Variants in BMERB1 observed in about 807,000 individuals in gnomAD.
BMERB1 encodes the protein bMERB domain containing 1.
A neutral mutation model predicts 23.6 loss-of-function variants in BMERB1; 12 were observed. That is an observed-to-expected ratio of 0.51 (90% confidence interval 0.33 to 0.82). The LOEUF is 0.82. Ranked by LOEUF, BMERB1 falls within the 40% of genes least tolerant of loss-of-function variation. The pLI is 0.03. For missense variants in BMERB1, 247 were observed against 255.4 expected, an observed-to-expected ratio of 0.97 and a Z score of 0.22; for synonymous variants, 122 against 96.6, an observed-to-expected ratio of 1.26 and a Z score of -1.54.
At chr16:15,512,252 A>G (rs937345458) in intron 1 of BMERB1, among the ~76,000 whole-genome samples, 2 of 152,134 alleles carry the variant, frequency 1.3e-5, no homozygotes, top group African/African-American at 4.8e-5. Flanking sequence ...CTGCTGAACA[A>G]CTCAGGGCCG....
At chr16:15,445,382 A>G (rs1351096878) in intron 1 of BMERB1, among the ~76,000 whole-genome samples, 1 of 152,206 alleles carries the variant, frequency 6.6e-6, no homozygotes, top group Non-Finnish European at 1.5e-5. Context: ...CAGGTACATA[A>G]AAAGGTAAAC....
chr16:15,510,168 C>T (rs2051645776), intron 1 of BMERB1, among the ~76,000 whole-genome samples: 1 of 152,160 alleles, frequency 6.6e-6, no homozygotes, highest in South Asian at 2.1e-4. Context: ...GCTTCCCGAA[C>T]TCCAAGAGAT....
intron 2 of BMERB1, among the ~76,000 whole-genome samples, chr16:15,538,058 T>G (rs2052041978): frequency 6.6e-6 from 1 of 152,184 alleles, no homozygotes. Flanking sequence ...TAATTTACCT[T>G]TGAAAGCAAC....
chr16:15,580,662 C>A (rs1180338961), intron 3 of BMERB1, among the ~76,000 whole-genome samples: 1 of 151,868 alleles, frequency 6.6e-6, no homozygotes, highest in Non-Finnish European at 1.5e-5. Context: ...ATTCTCCTGC[C>A]TCAGCCTCCC....
intron 2 of BMERB1, chr16:15,537,058 G>A (rs372695910): frequency 6.6e-6 from 1 of 152,244 alleles, no homozygotes; most frequent in East Asian, 1.9e-4. Flanking sequence ...GTGGTCTCCC[G>A]TGGCGTCAGA....
chr16:15,567,878 A>G (rs2030619086), intron 2 of BMERB1, 105 bp from the exon 3 acceptor site: 1 of 1,084,654 alleles, frequency 9.2e-7, no homozygotes, highest in Non-Finnish European at 1.3e-6. Flanking sequence ...TGGCCTCTTC[A>G]AAAGATAACC....
intron 1 of BMERB1, among the ~76,000 whole-genome samples, chr16:15,477,698 G>C (rs1472682294): frequency 6.6e-6 from 1 of 150,602 alleles, no homozygotes; most frequent in African/African-American, 2.5e-5. Flanking sequence ...AGGGGAACTG[G>C]CTTTTCTTAG....
At chr16:15,445,007 A>G (rs1229949608) in intron 1 of BMERB1, among the ~76,000 whole-genome samples, 1 of 152,156 alleles carries the variant, frequency 6.6e-6, no homozygotes, top group Non-Finnish European at 1.5e-5. Flanking sequence ...CCTCCCGCCT[A>G]GGCCTCCGAA....
rs143762588 is a variant in BMERB1 at position 15,484,831 on chromosome 16, T to C, written c.107-30474T>C. On this transcript the variant is annotated intron_variant, in intron 1 of 5. Coordinates refer to ENST00000300006, the MANE Select transcript of BMERB1 (RefSeq NM_033201.3). Reference sequence around the variant, plus strand: ...AACCATCACCTCTAGATGCCAAACATTTTCATCATCCCACAAGGAAACCAC... The same window carrying C: ...AACCATCACCTCTAGATGCCAAACACTTTCATCATCCCACAAGGAAACCAC... 7.2e-5 allele frequency among the ~76,000 whole-genome samples: 11 copies of C among 152,324 alleles called. 1 individual carries two copies. Among genetic ancestry groups the C allele is most frequent in the Admixed American group, 2.6e-4 (4 of 15,308 alleles).
chr16:15,516,430 A>T (rs1348841343), intron 2 of BMERB1, among the ~76,000 whole-genome samples: 1 of 152,230 alleles, frequency 6.6e-6, no homozygotes, highest in Non-Finnish European at 1.5e-5. Flanking sequence ...TAAAAGAAAA[A>T]AATTAAAAAT....
At chr16:15,563,820 A>G (rs1204299222) in intron 2 of BMERB1, among the ~76,000 whole-genome samples, 1 of 152,144 alleles carries the variant, frequency 6.6e-6, no homozygotes, top group Admixed American at 6.5e-5. Flanking sequence ...CCCCTCCTCC[A>G]ACACTGGGGA....
chr16:15,486,361 G>C (rs1286671176), intron 1 of BMERB1, among the ~76,000 whole-genome samples: 1 of 152,164 alleles, frequency 6.6e-6, no homozygotes, highest in African/African-American at 2.4e-5. Flanking sequence ...TGGTTCCACT[G>C]GAATTCAGGA....
intron 2 of BMERB1, 48 bp downstream of exon 2, chr16:15,515,476 G>A (rs2051738645): frequency 1.3e-6 from 2 of 1,586,508 alleles, no homozygotes; most frequent in African/African-American, 1.4e-5. Context: ...GTGGAGGAGA[G>A]AGGAAAACCT....
rs1350058947 is a variant in BMERB1 at position 15,484,668 on chromosome 16, C to T, written c.107-30637C>T. On this transcript the variant is annotated intron_variant, in intron 1 of 5. Coordinates refer to ENST00000300006, the MANE Select transcript of BMERB1 (RefSeq NM_033201.3). ...CTGCCCACCTTGGCCTCCCAAAGTG[C>T]TGAGATTACAGGCGTGAGCCACCGC... is the stretch of plus-strand genomic sequence containing the variant. Among the ~76,000 whole-genome samples the T allele has an allele frequency of 2.0e-5, 3 of 152,298 alleles. No homozygotes were observed. The East Asian group carries it at 5.8e-4, about 29-fold the overall frequency.
Position 15,583,136 on chromosome 16 carries a change from T to C in BMERB1, c.420-20T>C. ...TGCTTGCTGTGTATCTTCTTTTCTT[T>C]TACCCATCTACTTTCACAGGGAGCA... On this transcript the variant is annotated intron_variant, in intron 4 of 5. Transcript: ENST00000300006. 6.4e-7 allele frequency: 1 copy of C among 1,573,278 alleles called. No individual in the cohort carries two copies. Among genetic ancestry groups the C allele is most frequent in the Admixed American group, 1.7e-5 (1 of 59,944 alleles).
chr16:15,512,006 T>C (rs777625912), intron 1 of BMERB1, among the ~76,000 whole-genome samples: 1 of 49,618 alleles, frequency 2.0e-5, no homozygotes, highest in Admixed American at 5.2e-4. Context: ...GAGCAAGACT[T>C]GCTCTCAAAA....
intron 1 of BMERB1, among the ~76,000 whole-genome samples, chr16:15,435,824 T>C (rs2050883102): frequency 6.6e-6 from 1 of 152,230 alleles, no homozygotes; most frequent in Admixed American, 6.5e-5. Context: ...AGGGCTCAAC[T>C]GTGTTCTGAT....
rs915828411 is a variant in BMERB1 at position 15,455,172 on chromosome 16, A to G, written c.106+20413A>G. 9.2e-5 allele frequency among the ~76,000 whole-genome samples: 14 copies of G among 151,774 alleles called. 1 individual carries two copies. Among genetic ancestry groups the G allele is most frequent in the Admixed American group, 9.2e-4 (14 of 15,230 alleles). The stretch of plus-strand genomic sequence containing the variant: ...AAAACCGTCTCTACTAAAGATACAG[A>G]CATTAGCCGGGCGTGGTGGCGTGCA... On this transcript the variant is annotated intron_variant, in intron 1 of 5. Transcript: ENST00000300006.
At chr16:15,579,441 T>C (rs2030951490) in intron 3 of BMERB1, among the ~76,000 whole-genome samples, 1 of 152,188 alleles carries the variant, frequency 6.6e-6, no homozygotes, top group Non-Finnish European at 1.5e-5. Context: ...GGTGGACTCC[T>C]GGTTAATGAG....
Sources: gnomAD v4.1 joint callset for allele counts (sites outside exome capture counted in the v4.1 genomes callset) on GRCh38, gnomAD v4.1.1 for gene constraint, MANE v1.5 for transcripts, NCBI Gene and HGNC (gene_info 2026-07-23, HGNC 2026-07-21) for gene names.